ROPN1: variants seen among roughly 807,000 people sequenced by gnomAD.
ROPN1 encodes the protein ropporin-1A.
In ROPN1, 14 loss-of-function variants were observed where a neutral mutation model predicts 20.5. The observed-to-expected ratio is 0.68, with a 90% CI of 0.45 to 1.07. The LOEUF (loss-of-function observed/expected upper bound fraction) is 1.07, where lower values mean the gene tolerates loss of function less well. Ranked by LOEUF, ROPN1 falls within the 50% of genes least tolerant of loss-of-function variation. The pLI is 0.00. For missense variants in ROPN1, 169 were observed against 242.8 expected (o/e 0.70, Z 2.02); for synonymous variants, 76 against 95.7 (o/e 0.79, Z 1.20).
intron 1 of ROPN1, among the ~76,000 whole-genome samples, chr3:123,982,872 C>A (rs190279608): frequency 6.6e-6 from 1 of 152,324 alleles, no homozygotes; most frequent in Non-Finnish European, 1.5e-5. Flanking sequence ...AGTACTAACT[C>A]CCTATTCTCC....
At chr3:123,969,333 T>C in intron 5 of ROPN1, 112 bp from the exon 6 acceptor site, 1 of 952,548 alleles carries the variant, frequency 1.0e-6, no homozygotes, top group East Asian at 2.5e-5. Context: ...CCTTTTTCTC[T>C]TTTTTTGTTT....
chr3:123,981,005 G>C (rs1414066336), intron 1 of ROPN1, among the ~76,000 whole-genome samples: 1 of 152,096 alleles, frequency 6.6e-6, no homozygotes, highest in Non-Finnish European at 1.5e-5. Context: ...ACAGCCATTT[G>C]GTGAGCGTCT....
Position 123,977,208 on chromosome 3 carries a change from C to A in ROPN1, c.117-227G>T, listed in dbSNP as rs2038043713. 2.0e-5 allele frequency among the ~76,000 whole-genome samples: 3 copies of A among 152,180 alleles called. No homozygotes were observed. The South Asian group carries it at 6.2e-4, about 32-fold the overall frequency. Reference sequence around the variant, plus strand: ...TGCTTAGAGAATACAAAGCTTTGTTCTTCTCTAAGGATGAGGAAGAACCAA... The same window carrying A: ...TGCTTAGAGAATACAAAGCTTTGTTATTCTCTAAGGATGAGGAAGAACCAA... On this transcript the variant is annotated intron_variant, in intron 2 of 5. Transcript: ENST00000405845.
At chr3:123,983,583 T>G (rs886690225) in intron 1 of ROPN1, among the ~76,000 whole-genome samples, 4 of 152,198 alleles carry the variant, frequency 2.6e-5, no homozygotes, top group African/African-American at 9.6e-5. Flanking sequence ...TAACAATTGG[T>G]CTGCAAGCTC....
At position 123,975,075 on chromosome 3, in the gene ROPN1, T is replaced by A. The variant is rs1354534576; in HGVS notation, c.396+304A>T. On this transcript the variant is annotated intron_variant, in intron 4 of 5. Coordinates refer to ENST00000405845, the MANE Select transcript of ROPN1 (RefSeq NM_001317774.2). ...GTCGGCTCTTGGTTGTCTCTGGGAA[T>A]ATGAATGGAAGGAGCGGAGTGAAAA... The A allele has an allele frequency of 1.1e-5, 5 of 450,840 alleles. No individual in the cohort carries two copies. In the East Asian group the frequency reaches 2.2e-4, roughly 20 times the overall value. 27.9% of individuals were successfully genotyped at this position (450,840 alleles called of 1,614,324 possible). A position where few individuals can be genotyped will look rare whatever the true frequency, so the allele number is the denominator to read the frequency against.
intron 5 of ROPN1, among the ~76,000 whole-genome samples, chr3:123,969,809 C>G (rs536383454): frequency 6.6e-6 from 1 of 152,312 alleles, no homozygotes; most frequent in East Asian, 1.9e-4. Flanking sequence ...TTCTTAGGTG[C>G]TGCTGCCGCT....
intron 1 of ROPN1, among the ~76,000 whole-genome samples, chr3:123,983,116 A>G (rs953217507): frequency 3.9e-5 from 6 of 152,178 alleles, no homozygotes; most frequent in Non-Finnish European, 8.8e-5. Flanking sequence ...CCTTGTTCTT[A>G]AGGCTGAATA....
At chr3:123,977,205 G>A (rs567119287) in intron 2 of ROPN1, among the ~76,000 whole-genome samples, 1 of 152,282 alleles carries the variant, frequency 6.6e-6, no homozygotes, top group Non-Finnish European at 1.5e-5. Flanking sequence ...ACAAAGCTTT[G>A]TTCTTCTCTA....
chr3:123,976,843 A>G (rs1355169602), intron 3 of ROPN1, 21 bp downstream of exon 3: 6 of 1,597,608 alleles, frequency 3.8e-6, no homozygotes, highest in Non-Finnish European at 5.1e-6. Flanking sequence ...ATTCTCCTCA[A>G]TGCTGCAGCA....
chr3:123,990,882 T>C (rs753354840), intron 1 of ROPN1, among the ~76,000 whole-genome samples: 32 of 152,192 alleles, frequency 2.1e-4, no homozygotes, highest in Non-Finnish European at 3.8e-4. Flanking sequence ...CTTGGTTTTA[T>C]TGGTATGGGC....
chr3:123,972,580 G>C (rs1435236994), intron 4 of ROPN1, among the ~76,000 whole-genome samples: 1 of 152,226 alleles, frequency 6.6e-6, no homozygotes, highest in Non-Finnish European at 1.5e-5. Flanking sequence ...GAGTGCTGAA[G>C]GGAGGAGGAA....
chr3:123,979,895 C>G (rs1384266607), intron 2 of ROPN1: 1 of 351,324 alleles, frequency 2.8e-6, no homozygotes, highest in Non-Finnish European at 5.3e-6. Context: ...AAGGAGTGAA[C>G]TAGCAGGACT....
At chr3:123,970,988 A>G (rs1038189484) in intron 4 of ROPN1, among the ~76,000 whole-genome samples, 3 of 152,276 alleles carry the variant, frequency 2.0e-5, no homozygotes, top group Non-Finnish European at 2.9e-5. Flanking sequence ...TTACAAGCAA[A>G]AGAGTTGTGA....
intron 1 of ROPN1, among the ~76,000 whole-genome samples, chr3:123,984,567 C>T (rs552871079): frequency 1.3e-5 from 2 of 152,300 alleles, no homozygotes; most frequent in East Asian, 3.9e-4. Context: ...CTGTCCTGTT[C>T]AGTGTGTCCA....
At chr3:123,979,162 C>G (rs1225746080) in intron 2 of ROPN1, 2 of 218,310 alleles carry the variant, frequency 9.2e-6, no homozygotes, top group Non-Finnish European at 1.9e-5. Flanking sequence ...TTTTTATGAG[C>G]ACCACTGGCT....
At chr3:123,971,268 C>T (rs372377860) in intron 4 of ROPN1, among the ~76,000 whole-genome samples, 47 of 152,198 alleles carry the variant, frequency 3.1e-4, no homozygotes, top group African/African-American at 9.9e-4. Context: ...TACCCAGGAG[C>T]GTAAGTCTAT....
chr3:123,969,481 C>G (rs1301959550), intron 5 of ROPN1, among the ~76,000 whole-genome samples: 1 of 152,182 alleles, frequency 6.6e-6, no homozygotes, highest in Non-Finnish European at 1.5e-5. Context: ...ACCACCACGC[C>G]TAGCTAATTT....
chr3:123,973,927 G>A (rs756120300), intron 4 of ROPN1, among the ~76,000 whole-genome samples: 3 of 152,208 alleles, frequency 2.0e-5, no homozygotes, highest in Non-Finnish European at 2.9e-5. Flanking sequence ...GGAAGACTAA[G>A]GGATGTGAGA....
intron 5 of ROPN1, 117 bp from the exon 6 acceptor site, chr3:123,969,338 T>C: frequency 1.2e-6 from 1 of 866,804 alleles, no homozygotes; most frequent in Non-Finnish European, 1.8e-6. Context: ...TTCTCTTTTT[T>C]TGTTTTGTTT....
Sources: allele counts gnomAD v4.1 joint callset (sites outside exome capture counted in the v4.1 genomes callset), GRCh38; gene constraint gnomAD v4.1.1; transcripts MANE v1.5; gene names NCBI Gene and HGNC (gene_info 2026-07-23, HGNC 2026-07-21).